AGL: variants seen among roughly 807,000 people sequenced by gnomAD.
AGL encodes the protein glycogen debranching enzyme.
In AGL, 128 loss-of-function variants were observed where a neutral mutation model predicts 199.3. That is an observed-to-expected ratio of 0.64 (90% CI 0.56 to 0.74). The LOEUF (loss-of-function observed/expected upper bound fraction) is 0.74, where lower values mean the gene tolerates loss of function less well. AGL is among the 30% of genes least tolerant of loss of function. The pLI, the probability that AGL is intolerant of heterozygous loss-of-function variation, is 0.00. For synonymous variants in AGL, 584 were observed against 594.7 expected, an observed-to-expected ratio of 0.98 and a Z score of 0.26; for missense variants, 1,809 against 1,820.8, an observed-to-expected ratio of 0.99 and a Z score of 0.12.
chr1:99,877,856 A>G (rs1464042918), intron 12 of AGL, 28 bp downstream of exon 12: 1 of 1,607,570 alleles, frequency 6.2e-7, no homozygotes, highest in African/African-American at 1.3e-5. Flanking sequence ...ATCTACATTA[A>G]GAAAAGAAAT....
intron 24 of AGL, 57 bp from the exon 25 acceptor site, chr1:99,896,229 T>C: frequency 7.2e-7 from 1 of 1,397,486 alleles, no homozygotes; most frequent in East Asian, 2.3e-5. Flanking sequence ...ATGGAGTTCA[T>C]AGGTTTGTGT....
At chr1:99,888,250 T>A in intron 21 of AGL, 142 bp downstream of exon 21, 1 of 1,032,644 alleles carries the variant, frequency 9.7e-7, no homozygotes, top group Non-Finnish European at 1.4e-6. Flanking sequence ...AATTGACCTT[T>A]GGCAAGTAAT....
At position 99,919,130 on chromosome 1, in the gene AGL, C is replaced by T. The variant is rs1255630478; in HGVS notation, c.4481+2399C>T. On this transcript the variant is annotated intron_variant, in intron 33 of 33. Transcript: ENST00000361915. The stretch of plus-strand genomic sequence containing the variant: ...CAAATTGTAGCTGCTTTGTAGTGTT[C>T]CTGGATTCTCAGTTCAACTCAAGGA... 2.6e-5 allele frequency among the ~76,000 whole-genome samples: 4 copies of T among 152,146 alleles called. No individual in the cohort carries two copies. In the East Asian group the frequency reaches 7.7e-4, roughly 29 times the overall value.
At chr1:99,895,864 T>A (rs1653261376) in intron 24 of AGL, among the ~76,000 whole-genome samples, 1 of 152,154 alleles carries the variant, frequency 6.6e-6, no homozygotes, top group Admixed American at 6.5e-5. Context: ...TAGTCTCAGC[T>A]ACTTGGGAGG....
rs1169609387 is a variant in AGL, at chr1:99,851,089, A to T, written c.47A>T (p.Glu16Val). ...CGAATTTTACTTCTGAACGAAATGGAGAAACTGGAAAAGACCCTCTTCAGA... is the reference window on the plus strand; with the variant it reads ...CGAATTTTACTTCTGAACGAAATGGTGAAACTGGAAAAGACCCTCTTCAGA... The part of the protein sequence containing the change: ...QIRILLLNEM[E>V]KLEKTLFRLE... Residue 16 changes from glutamate (E) to valine (V), a missense_variant, in exon 2 of 34, where the codon GAG (glutamate) becomes GTG (valine). Transcript: ENST00000361915. 6.2e-7 allele frequency: 1 copy of T among 1,614,148 alleles called. No individual in the cohort carries two copies. Among genetic ancestry groups the T allele is most frequent in the Admixed American group, 1.7e-5 (1 of 60,034 alleles).
At chr1:99,861,302 T>C (rs1650010824) in intron 2 of AGL, 1 of 1,437,194 alleles carries the variant, frequency 7.0e-7, no homozygotes, top group Non-Finnish European at 9.1e-7. Flanking sequence ...GACAGCTCTA[T>C]GATGTTTACT....
Position 99,910,581 on chromosome 1 carries a change from A to G in AGL, c.3701-131A>G, listed in dbSNP as rs1570504181. The G allele has an allele frequency of 8.5e-6, 3 of 353,524 alleles. No homozygotes were observed. In the East Asian group the frequency reaches 2.0e-4, roughly 24 times the overall value. The allele number at this position is 353,524 out of a possible 1,614,324, so 21.9% of individuals were successfully genotyped here. ...TATTCTGGATACAAAATAATAAGAT[A>G]CCACCAAACTGAGCTTTAGAGTGGT... On this transcript the variant is annotated intron_variant, in intron 27 of 33. Coordinates refer to ENST00000361915, the MANE Select transcript of AGL (RefSeq NM_000642.3).
At chr1:99,855,571 C>T (rs573202680) in intron 2 of AGL, among the ~76,000 whole-genome samples, 4 of 152,134 alleles carry the variant, frequency 2.6e-5, no homozygotes, top group Admixed American at 6.5e-5. Context: ...GAGGCCGAGG[C>T]GGGTAGTTGA....
Position 99,870,525 on chromosome 1 carries a change from G to A in AGL, c.790G>A (p.Gly264Arg). 4 of 1,613,966 alleles carry A rather than the reference G, an allele frequency of 2.5e-6. No individual in the cohort carries two copies. Among genetic ancestry groups the A allele is most frequent in the Non-Finnish European group, 3.4e-6 (4 of 1,179,954 alleles). Residue 264 changes from glycine (G) to arginine (R), a missense_variant, in exon 6 of 34, where the codon GGG becomes AGG. Coordinates refer to ENST00000361915, the MANE Select transcript of AGL (RefSeq NM_000642.3). ...LWRFSCDVAE[G>R]KYKEKGIPAL... ...GCGTTTCTCCTGTGATGTTGCAGAA[G>A]GGAAATACAAAGAAAAGGGAATACC... is the stretch of plus-strand genomic sequence containing the variant.
At chr1:99,870,248 C>T in intron 5 of AGL, 152 bp from the exon 6 acceptor site, 1 of 722,904 alleles carries the variant, frequency 1.4e-6, no homozygotes, top group South Asian at 2.0e-5. Flanking sequence ...AAAGAAAAAA[C>T]TTTTCCTGTA....
chr1:99,868,825 CTTT>C (rs374175804), intron 5 of AGL, among the ~76,000 whole-genome samples: 8 of 135,464 alleles, frequency 5.9e-5, no homozygotes, highest in Non-Finnish European at 3.1e-5. Flanking sequence ...GGTATTTACT[CTTT>C]TTTTTTTTTT....
At chr1:99,884,810 C>A in intron 20 of AGL, 107 bp downstream of exon 20, 1 of 1,374,948 alleles carries the variant, frequency 7.3e-7, no homozygotes, top group Non-Finnish European at 1.0e-6. Context: ...ACTCAAAGTA[C>A]GGTCCAAGGA....
chr1:99,860,185 T>C (rs1226826504), intron 2 of AGL, among the ~76,000 whole-genome samples: 5 of 152,070 alleles, frequency 3.3e-5, no homozygotes, highest in Admixed American at 1.3e-4. Flanking sequence ...CTGAAATCTT[T>C]TGTTCACAGA....
chr1:99,882,392 C>G (rs12080767), intron 17 of AGL, among the ~76,000 whole-genome samples: 1,830 of 152,214 alleles, frequency 0.012, 37 homozygotes, highest in African/African-American at 0.042. Context: ...AACATACATA[C>G]AAACATGCGA....
intron 9 of AGL, 47 bp from the exon 10 acceptor site, chr1:99,875,311 G>T: frequency 6.2e-7 from 1 of 1,612,512 alleles, no homozygotes; most frequent in Non-Finnish European, 8.5e-7. Context: ...CTATTTTTTT[G>T]TTGTCTTGAG....
At chr1:99,887,896 G>T in intron 20 of AGL, 82 bp from the exon 21 acceptor site, 1 of 1,488,458 alleles carries the variant, frequency 6.7e-7, no homozygotes, top group Non-Finnish European at 9.3e-7. Context: ...TTTTATGATT[G>T]TAATTCAGAT....
At position 99,891,088 on chromosome 1, in the gene AGL, G is replaced by A. The variant is rs1652856108; in HGVS notation, c.2813-132G>A. On this transcript the variant is annotated intron_variant, in intron 21 of 33. Coordinates refer to ENST00000361915, the MANE Select transcript of AGL (RefSeq NM_000642.3). The stretch of plus-strand genomic sequence containing the variant: ...ATTAAGCAGTGTTGTGGACTGGGTA[G>A]CCCTTGTGTGTGCCTCTAATACGTA... 11 of 1,054,024 alleles carry A rather than the reference G, an allele frequency of 1.0e-5. 1 individual carries two copies. The highest frequency in any genetic ancestry group is 9.2e-5 in the South Asian group (7 of 76,244). The allele number at this position is 1,054,024 out of a possible 1,614,324, so 65.3% of individuals were successfully genotyped here.
At chr1:99,915,066 G>C (rs759542763) in intron 30 of AGL, among the ~76,000 whole-genome samples, 1 of 152,104 alleles carries the variant, frequency 6.6e-6, no homozygotes, top group Non-Finnish European at 1.5e-5. Context: ...GTGACAGAGT[G>C]AGACCCTGTC....
rs149552795 is a variant in AGL, at chr1:99,864,641, C to T, written c.664+52C>T. 22,906 of 1,395,962 alleles carry T rather than the reference C, an allele frequency of 0.016. 230 individuals carry two copies. Among genetic ancestry groups the T allele is most frequent in the Middle Eastern group, 0.051 (268 of 5,276 alleles). 86.5% of individuals were successfully genotyped at this position (1,395,962 alleles called of 1,614,324 possible). On this transcript the variant is annotated intron_variant, in intron 5 of 33. Transcript: ENST00000361915. Reference sequence around the variant, plus strand: ...TAATTTTGATGAGAATTTATGCACACACACATATACACACAAATAAGAGAA... The same window carrying T: ...TAATTTTGATGAGAATTTATGCACATACACATATACACACAAATAAGAGAA...
Sources: allele counts gnomAD v4.1 joint callset (sites outside exome capture counted in the v4.1 genomes callset), GRCh38; gene constraint gnomAD v4.1.1; transcripts MANE v1.5; gene names NCBI Gene and HGNC (gene_info 2026-07-23, HGNC 2026-07-21).